The following FAM156A variants were observed in gnomAD, a reference collection of about 807,000 sequenced individuals.
FAM156A encodes the protein protein FAM156A/FAM156B.
At chrX:52,989,852 G>A (rs1371397330) in intron 1 of FAM156A, among the ~76,000 whole-genome samples, 1 of 112,369 alleles carries the variant, frequency 8.9e-6, no homozygotes, top group Non-Finnish European at 1.9e-5. Flanking sequence ...GGTGCCCTCA[G>A]GACTCGCCAA....
At chrX:52,994,612 C>A (rs1301867407) in intron 1 of FAM156A, among the ~76,000 whole-genome samples, 1 of 110,937 alleles carries the variant, frequency 9.0e-6, no homozygotes, top group African/African-American at 3.3e-5. Flanking sequence ...AGAGACTTCA[C>A]ATCCTGGGGT....
chrX:52,987,402 G>A (rs1271661051), intron 1 of FAM156A, among the ~76,000 whole-genome samples: 1 of 111,658 alleles, frequency 9.0e-6, no homozygotes, highest in East Asian at 2.8e-4. Context: ...GAGGCAGGAT[G>A]GCTTGAGCCC....
intron 1 of FAM156A, among the ~76,000 whole-genome samples, chrX:52,977,500 G>T (rs1929574160): frequency 8.9e-6 from 1 of 111,833 alleles, no homozygotes; most frequent in African/African-American, 3.2e-5. Flanking sequence ...GTAGTGGTAT[G>T]ATCATGGTTC....
intron 1 of FAM156A, among the ~76,000 whole-genome samples, chrX:52,980,584 T>G: frequency 9.0e-6 from 1 of 111,691 alleles, no homozygotes. Flanking sequence ...TATGGAATTG[T>G]AGTGATCTCT....
intron 1 of FAM156A, among the ~76,000 whole-genome samples, chrX:52,994,904 T>TAGG (rs1278125647): frequency 9.0e-6 from 1 of 110,947 alleles, no homozygotes; most frequent in Non-Finnish European, 1.9e-5. Context: ...AGCTTGAGCC[T>TAGG]AGGAGTATGA....
intron 1 of FAM156A, among the ~76,000 whole-genome samples, chrX:52,980,453 GTGTA>G (rs201181357): frequency 0.014 from 1,530 of 112,184 alleles, 9 homozygotes; most frequent in Non-Finnish European, 0.022. Flanking sequence ...CTCTTTGCAG[GTGTA>G]TTTCCCTCAC....
chrX:52,985,845 G>A (rs977161767), intron 1 of FAM156A, among the ~76,000 whole-genome samples: 1 of 110,389 alleles, frequency 9.1e-6, no homozygotes, highest in African/African-American at 3.3e-5. Context: ...GGAAGCCAAG[G>A]TGGGTGGATC....
intron 1 of FAM156A, among the ~76,000 whole-genome samples, chrX:52,985,254 G>C (rs782731944): frequency 2.5e-4 from 27 of 109,931 alleles, no homozygotes; most frequent in African/African-American, 8.6e-4. Context: ...AAAGTAAACA[G>C]GAAAATCTCC....
chrX:52,973,757 G>C (rs1226723627), intron 1 of FAM156A, among the ~76,000 whole-genome samples: 1 of 111,673 alleles, frequency 9.0e-6, no homozygotes, highest in African/African-American at 3.3e-5. Flanking sequence ...CCGCCTTCCA[G>C]GTTCAAGGGA....
At chrX:52,992,985 C>T (rs1930889643) in intron 1 of FAM156A, among the ~76,000 whole-genome samples, 1 of 111,728 alleles carries the variant, frequency 9.0e-6, no homozygotes, top group South Asian at 3.8e-4. Flanking sequence ...AGGAGGTCAT[C>T]CCTCTTTTAG....
In FAM156A at chrX:52,978,146, G is replaced by A. The variant is rs73634270; in HGVS notation, c.-433-13911C>T. On this transcript the variant is annotated intron_variant, in intron 1 of 4. Transcript: ENST00000610625. ...CTCCAGCATTGCATTTAGGCTCCAC[G>A]ATACCCTGTAAGGAAAGCTGAATAT... Among the ~76,000 whole-genome samples the A allele has an allele frequency of 4.1e-3, 451 of 111,181 alleles. 3 individuals are homozygous for A. The highest frequency in any genetic ancestry group is 0.028 in the Middle Eastern group (6 of 214).
chrX:52,976,928 A>G (rs1556792363), intron 1 of FAM156A, among the ~76,000 whole-genome samples: 1 of 110,366 alleles, frequency 9.1e-6, no homozygotes, highest in Non-Finnish European at 1.9e-5. Context: ...TGAGACACAT[A>G]GGTTAAGAGA....
intron 1 of FAM156A, among the ~76,000 whole-genome samples, chrX:52,977,087 TACAC>T (rs1256059149): frequency 6.4e-5 from 6 of 93,989 alleles, no homozygotes; most frequent in African/African-American, 1.6e-4. Flanking sequence ...TACATATATA[TACAC>T]ACACACACAC....
intron 1 of FAM156A, among the ~76,000 whole-genome samples, chrX:52,984,525 T>G (rs782527469): frequency 8.9e-6 from 1 of 111,998 alleles, no homozygotes; most frequent in Admixed American, 9.5e-5. Context: ...GTCTCAGGCT[T>G]CCTATATTAT....
At chrX:52,986,325 C>T (rs1930287879) in intron 1 of FAM156A, among the ~76,000 whole-genome samples, 2 of 108,984 alleles carry the variant, frequency 1.8e-5, no homozygotes, top group Admixed American at 2.0e-4. Context: ...GTTATAAGAT[C>T]AGCATTACAC....
At chrX:52,989,913 A>G (rs782060289) in intron 1 of FAM156A, among the ~76,000 whole-genome samples, 1 of 112,580 alleles carries the variant, frequency 8.9e-6, no homozygotes, top group East Asian at 2.8e-4. Context: ...AAGAAAGCAT[A>G]TAATGCAATC....
At chrX:52,991,342 C>T (rs193184359) in intron 1 of FAM156A, among the ~76,000 whole-genome samples, 1 of 110,914 alleles carries the variant, frequency 9.0e-6, no homozygotes, top group Non-Finnish European at 1.9e-5. Flanking sequence ...CAGGAGAAGA[C>T]GGGGTGTCCC....
At chrX:52,990,291 G>A (rs1556795221) in intron 1 of FAM156A, among the ~76,000 whole-genome samples, 2 of 111,835 alleles carry the variant, frequency 1.8e-5, no homozygotes, top group African/African-American at 6.5e-5. Flanking sequence ...ACCTCACCGT[G>A]GGACCACAGG....
chrX:52,986,190 C>A (rs1224220566), intron 1 of FAM156A, among the ~76,000 whole-genome samples: 1 of 107,420 alleles, frequency 9.3e-6, no homozygotes, highest in African/African-American at 3.4e-5. Context: ...CCTGAGGAAT[C>A]GCCACACTGA....
Sources: allele counts gnomAD v4.1 joint callset (sites outside exome capture counted in the v4.1 genomes callset), GRCh38; gene constraint gnomAD v4.1.1; transcripts MANE v1.5; gene names NCBI Gene and HGNC (gene_info 2026-07-23, HGNC 2026-07-21).